C2orf68: variants seen among roughly 807,000 people sequenced by gnomAD.
The protein encoded by C2orf68 is chromosome 2 open reading frame 68, also known as UPF0561 protein C2orf68.
Under a neutral mutation model 19.1 loss-of-function variants are expected in C2orf68, and 15 were observed. The ratio of observed to expected loss-of-function variants is 0.79; its 90% CI spans 0.53 to 1.21. The LOEUF (loss-of-function observed/expected upper bound fraction) is 1.21, where lower values mean the gene tolerates loss of function less well. C2orf68 is among the 50% of genes most tolerant of loss of function. The pLI, the probability that C2orf68 is intolerant of heterozygous loss-of-function variation, is 0.00. For synonymous variants in C2orf68, 98 were observed against 91.0 expected (o/e 1.08, Z -0.44); for missense variants, 242 against 226.6 (o/e 1.07, Z -0.44).
rs972832659 is a variant in C2orf68, at chr2:85,607,883, G to C, written c.*1062C>G. ...ATTAGAAAAAATGTTCACCGGGTTA[G>C]AGCAGTGGTATTCCTGGGGATCTTT... On this transcript the variant is annotated 3_prime_UTR_variant, in exon 4 of 4. Coordinates refer to ENST00000306336, the MANE Select transcript of C2orf68 (RefSeq NM_001013649.4). 2 of 152,214 alleles carry C rather than the reference G, an allele frequency of 1.3e-5. No homozygotes were observed. The highest frequency in any genetic ancestry group is 2.9e-5 in the Non-Finnish European group (2 of 68,040). The allele number at this position is 152,214 out of a possible 1,614,324, so 9.4% of individuals were successfully genotyped here.
rs1262614414 is a variant in C2orf68, at chr2:85,605,559, G to C, written c.*3386C>G. On this transcript the variant is annotated 3_prime_UTR_variant, in exon 4 of 4. Transcript: ENST00000306336. ...ATCTGATTCCTCAGGGACAGGACAG[G>C]AATTCAGCAAGGGAGCTTAAAATAT... 6.6e-6 allele frequency among the ~76,000 whole-genome samples: 1 copy of C among 152,174 alleles called. No homozygotes were observed. Among genetic ancestry groups the C allele is most frequent in the Non-Finnish European group, 1.5e-5 (1 of 68,040 alleles).
chr2:85,611,204 A>G, intron 2 of C2orf68: 1 of 1,185,058 alleles, frequency 8.4e-7, no homozygotes, highest in South Asian at 1.9e-5. Context: ...ACCTAGTCTC[A>G]AAAATAAAAT....
chr2:85,609,670 G>T, intron 2 of C2orf68, 84 bp from the exon 3 acceptor site: 1 of 1,521,820 alleles, frequency 6.6e-7, no homozygotes, highest in Non-Finnish European at 8.9e-7. Flanking sequence ...GAAAATATAC[G>T]GTTAGGAAAG....
chr2:85,611,812 G>A, intron 1 of C2orf68, 26 bp from the exon 2 acceptor site: 2 of 1,608,958 alleles, frequency 1.2e-6, no homozygotes, highest in African/African-American at 1.3e-5. Context: ...CGGGAGTCAG[G>A]GACTGTCGGG....
Position 85,608,922 on chromosome 2 carries a change from T to C in C2orf68, c.*23A>G, listed in dbSNP as rs1673323232. On this transcript the variant is annotated 3_prime_UTR_variant, in exon 4 of 4. Coordinates refer to ENST00000306336, the MANE Select transcript of C2orf68 (RefSeq NM_001013649.4). Reference sequence around the variant, plus strand: ...TCTTCCGAGTGCAGTGAATCCAGCCTGGAGAGAACGCCTTCAACATGGTCA... The same window carrying C: ...TCTTCCGAGTGCAGTGAATCCAGCCCGGAGAGAACGCCTTCAACATGGTCA... The C allele has an allele frequency of 6.2e-7, 1 of 1,613,574 alleles. No homozygotes were observed. Among genetic ancestry groups the C allele is most frequent in the African/African-American group, 1.3e-5 (1 of 74,914 alleles).
At chr2:85,609,127 C>T (rs1673340982) in intron 3 of C2orf68, 60 bp from the exon 4 acceptor site, 1 of 1,596,772 alleles carries the variant, frequency 6.3e-7, no homozygotes, top group Non-Finnish European at 8.5e-7. Context: ...GGTGACCTGC[C>T]CTGTCCCTAA....
chr2:85,609,320 A>G, intron 3 of C2orf68, 115 bp downstream of exon 3: 1 of 1,437,994 alleles, frequency 7.0e-7, no homozygotes, highest in Non-Finnish European at 9.5e-7. Context: ...CTAGACTCAC[A>G]TGTGGAGCAG....
At chr2:85,611,596 T>TC (rs1247125456) in intron 2 of C2orf68, 72 bp downstream of exon 2, 3 of 1,553,168 alleles carry the variant, frequency 1.9e-6, no homozygotes, top group Non-Finnish European at 2.6e-6. Flanking sequence ...AAGTGGTTTT[T>TC]CCCTATAGAG....
intron 2 of C2orf68, chr2:85,611,398 A>G (rs1016280734): frequency 9.4e-6 from 14 of 1,482,124 alleles, no homozygotes; most frequent in Non-Finnish European, 1.3e-5. Context: ...GCACCTTACT[A>G]AAATACAGCA....
chr2:85,611,127 G>T, intron 2 of C2orf68: 1 of 408,034 alleles, frequency 2.5e-6, no homozygotes, highest in Non-Finnish European at 3.5e-6. Context: ...GTGGTCCCAG[G>T]TACTCGGGAG....
rs1174024380 is a variant in C2orf68 at position 85,605,689 on chromosome 2, T to C, written c.*3256A>G. 6.6e-6 allele frequency among the ~76,000 whole-genome samples: 1 copy of C among 152,220 alleles called. No homozygotes were observed. Among genetic ancestry groups the C allele is most frequent in the East Asian group, 1.9e-4 (1 of 5,204 alleles). On this transcript the variant is annotated 3_prime_UTR_variant, in exon 4 of 4. Transcript: ENST00000306336. Reference sequence around the variant, plus strand: ...TCTGCACACAAAGCCCTCATTTAAATTTGTGAGCCTGCTTGGGATCCATTA... The same window carrying C: ...TCTGCACACAAAGCCCTCATTTAAACTTGTGAGCCTGCTTGGGATCCATTA...
intron 2 of C2orf68, 23 bp from the exon 3 acceptor site, chr2:85,609,609 GAAA>G: frequency 6.2e-7 from 1 of 1,613,344 alleles, no homozygotes; most frequent in Non-Finnish European, 8.5e-7. Flanking sequence ...ACCACAGTAA[GAAA>G]GAAGAGGGGG....
intron 3 of C2orf68, 143 bp from the exon 4 acceptor site, chr2:85,609,210 T>C (rs948671393): frequency 3.8e-6 from 5 of 1,306,304 alleles, no homozygotes; most frequent in Admixed American, 2.4e-5. Flanking sequence ...TCTCCTGTAA[T>C]AGTGATTCTC....
rs1673318442 is a variant in C2orf68 at position 85,608,815 on chromosome 2, C to G, written c.*130G>C. 7.7e-7 allele frequency: 1 copy of G among 1,302,696 alleles called. No homozygotes were observed. The highest frequency in any genetic ancestry group is 1.1e-6 in the Non-Finnish European group (1 of 937,890). The allele number at this position is 1,302,696 out of a possible 1,614,324, so 80.7% of individuals were successfully genotyped here. A position where few individuals can be genotyped will look rare whatever the true frequency, so the allele number is the denominator to read the frequency against. ...CAGGCCAGGTGTAGTCCTGCAACAC[C>G]CTATGGATGCAGCAGCTCTGGGGGT... On this transcript the variant is annotated 3_prime_UTR_variant, in exon 4 of 4. Coordinates refer to ENST00000306336, the MANE Select transcript of C2orf68 (RefSeq NM_001013649.4).
rs754900739 is a variant in C2orf68, at chr2:85,611,759, C to T, written c.135G>A (p.Gln45=). Residue 45 remains glutamine, a synonymous_variant, in exon 2 of 4, where the codon CAG becomes CAA. Transcript: ENST00000306336. Reference sequence around the variant, plus strand: ...GCCTCCTCACCTTCTCCTTGGCCGCCTGCTTCACCTTCTTGTCATAGTCGT... The same window carrying T: ...GCCTCCTCACCTTCTCCTTGGCCGCTTGCTTCACCTTCTTGTCATAGTCGT... ...ARDDYDKKVK[Q]AAKEKVRRRH... The T allele has an allele frequency of 1.2e-6, 2 of 1,612,184 alleles. No individual in the cohort carries two copies. The highest frequency in any genetic ancestry group is 2.2e-5 in the East Asian group (1 of 44,846).
At chr2:85,609,162 C>T in intron 3 of C2orf68, 95 bp from the exon 4 acceptor site, 1 of 1,517,580 alleles carries the variant, frequency 6.6e-7, no homozygotes, top group Non-Finnish European at 8.9e-7. Flanking sequence ...CTCCATTTAG[C>T]TCAAGGCTTT....
intron 2 of C2orf68, among the ~76,000 whole-genome samples, chr2:85,610,042 T>C (rs995433255): frequency 7.5e-6 from 1 of 132,548 alleles, no homozygotes; most frequent in Non-Finnish European, 1.6e-5. Context: ...TGAGACGGAG[T>C]CTTGCTCTGT....
At position 85,611,833 on chromosome 2, in the gene C2orf68, C is replaced by A. The variant is rs749701835; in HGVS notation, c.107+45G>T. 23 of 1,605,484 alleles carry A rather than the reference C, an allele frequency of 1.4e-5. No homozygotes were observed. The South Asian group carries it at 2.4e-4, about 17-fold the overall frequency. Reference sequence around the variant, plus strand: ...TCAGGGACTGTCGGGCCGGGCCAGGCCAGGCCAGGAGTGGTGGCGGCGGCG... The same window carrying A: ...TCAGGGACTGTCGGGCCGGGCCAGGACAGGCCAGGAGTGGTGGCGGCGGCG... On this transcript the variant is annotated intron_variant, in intron 1 of 3. Coordinates refer to ENST00000306336, the MANE Select transcript of C2orf68 (RefSeq NM_001013649.4).
At position 85,608,701 on chromosome 2, in the gene C2orf68, C is replaced by CA. The variant is rs5832651; in HGVS notation, c.*243dup. ...GAACACATTAGCCACACAAAATCCT[C>CA]AAAAAAAAAAAAAAAAAAAAAAAAA... On this transcript the variant is annotated 3_prime_UTR_variant, in exon 4 of 4. Coordinates refer to ENST00000306336, the MANE Select transcript of C2orf68 (RefSeq NM_001013649.4). 834 of 55,460 alleles carry CA rather than the reference C, an allele frequency of 0.015. 31 individuals carry two copies. Among genetic ancestry groups the CA allele is most frequent in the Non-Finnish European group, 0.02 (635 of 31,386 alleles). 3.4% of individuals were successfully genotyped at this position (55,460 alleles called of 1,614,324 possible). A position where few individuals can be genotyped will look rare whatever the true frequency, so the allele number is the denominator to read the frequency against.
Sources: allele counts gnomAD v4.1 joint callset (sites outside exome capture counted in the v4.1 genomes callset), GRCh38; gene constraint gnomAD v4.1.1; transcripts MANE v1.5; gene names NCBI Gene and HGNC (gene_info 2026-07-23, HGNC 2026-07-21).